Variants in PREX1 observed in about 807,000 individuals in gnomAD.
The protein encoded by PREX1 is phosphatidylinositol 3,4,5-trisphosphate-dependent Rac exchanger 1 protein.
Under a neutral mutation model 198.3 loss-of-function variants are expected in PREX1, and 41 were observed. The observed-to-expected ratio is 0.21, with a 90% CI of 0.16 to 0.27. The LOEUF (loss-of-function observed/expected upper bound fraction) is 0.27. Ranked by LOEUF, PREX1 falls within the 10% of genes least tolerant of loss-of-function variation. The pLI is 1.00. For synonymous variants in PREX1, 843 were observed against 887.2 expected (o/e 0.95, Z 0.89); for missense variants, 1,620 against 2,200.7 (o/e 0.74, Z 5.28).
intron 25 of PREX1, 143 bp downstream of exon 25, chr20:48,649,157 G>A (rs1294543948): frequency 4.8e-6 from 6 of 1,247,340 alleles, no homozygotes; most frequent in East Asian, 5.1e-5. Context: ...GTGGATAGAC[G>A]AAAAAGATAC....
At chr20:48,842,169 G>T in the PREX1 span, among the ~76,000 whole-genome samples, 24 of 151,410 alleles carry the variant, frequency 1.6e-4, no homozygotes, top group East Asian at 4.6e-3. Flanking sequence ...CAGCATGAAA[G>T]AAATAAAAAA....
chr20:48,650,316 G>A (rs759015696), intron 23 of PREX1, 110 bp from the exon 24 acceptor site: 41 of 1,059,184 alleles, frequency 3.9e-5, no homozygotes, highest in Non-Finnish European at 5.1e-5. Context: ...CCCACAGTTG[G>A]ACAAAATGCC....
chr20:48,868,349 C>T, the PREX1 span, among the ~76,000 whole-genome samples: 2 of 152,036 alleles, frequency 1.3e-5, no homozygotes, highest in Admixed American at 6.6e-5. Flanking sequence ...CAGAGTTTCG[C>T]TCTTGTTACC....
Position 48,799,593 on chromosome 20 carries a change from C to T in PREX1, c.219+28049G>A, listed in dbSNP as rs576754574. ...TGGGGCCCCAGTCTTATCCTACATG[C>T]ATTTTGTTAATAATACAGCCAAAGA... On this transcript the variant is annotated intron_variant, in intron 1 of 39. Transcript: ENST00000371941. 6.6e-5 allele frequency among the ~76,000 whole-genome samples: 10 copies of T among 152,336 alleles called. No individual in the cohort carries two copies. In the South Asian group the frequency reaches 2.1e-3, roughly 32 times the overall value.
chr20:48,884,851 C>T, the PREX1 span, among the ~76,000 whole-genome samples: 1 of 152,144 alleles, frequency 6.6e-6, no homozygotes, highest in East Asian at 1.9e-4. Flanking sequence ...GTGGCTCATG[C>T]CTGTAATCCT....
chr20:48,791,595 T>TG (rs2090339177), intron 1 of PREX1, among the ~76,000 whole-genome samples: 1 of 152,170 alleles, frequency 6.6e-6, no homozygotes, highest in South Asian at 2.1e-4. Flanking sequence ...GTCCCAGTGA[T>TG]GGGTCAGGTT....
At position 48,679,772 on chromosome 20, in the gene PREX1, C is replaced by T; in HGVS notation, c.1436-18G>A. 1 of 1,588,776 alleles carries T rather than the reference C, an allele frequency of 6.3e-7. No homozygotes were observed. Among genetic ancestry groups the T allele is most frequent in the Non-Finnish European group, 8.6e-7 (1 of 1,157,044 alleles). On this transcript the variant is annotated intron_variant, in intron 11 of 39. Coordinates refer to ENST00000371941, the MANE Select transcript of PREX1 (RefSeq NM_020820.4). Reference sequence around the variant, plus strand: ...GTCGGAAACTGGAGAGACAGGAGGACCTGTGACGCTGGGCACGCCCCCTCA... The same window carrying T: ...GTCGGAAACTGGAGAGACAGGAGGATCTGTGACGCTGGGCACGCCCCCTCA...
At chr20:48,699,917 C>T (rs1273370678) in intron 7 of PREX1, among the ~76,000 whole-genome samples, 1 of 152,208 alleles carries the variant, frequency 6.6e-6, no homozygotes, top group African/African-American at 2.4e-5. Flanking sequence ...CATTCACTCA[C>T]ACACACGTCA....
the PREX1 span, among the ~76,000 whole-genome samples, chr20:48,864,593 G>A: frequency 1.2e-4 from 19 of 152,152 alleles, no homozygotes; most frequent in Non-Finnish European, 2.6e-4. Context: ...ATCGCTCATC[G>A]AAGTCAGGGG....
chr20:48,658,784 C>T (rs1014129277), intron 16 of PREX1, among the ~76,000 whole-genome samples: 4 of 152,006 alleles, frequency 2.6e-5, no homozygotes, highest in Admixed American at 6.5e-5. Flanking sequence ...GGATAGGGCA[C>T]GGCAAGGGGG....
chr20:48,652,150 G>A (rs980617516), intron 21 of PREX1, among the ~76,000 whole-genome samples: 5 of 152,184 alleles, frequency 3.3e-5, no homozygotes, highest in Non-Finnish European at 7.3e-5. Context: ...TGGGCATCGC[G>A]GCCGTGCGCA....
the PREX1 span, among the ~76,000 whole-genome samples, chr20:48,878,487 G>C: frequency 6.6e-6 from 1 of 151,924 alleles, no homozygotes; most frequent in Non-Finnish European, 1.5e-5. Context: ...TTACAGGCAC[G>C]TGCCACCACA....
intron 30 of PREX1, 38 bp downstream of exon 30, chr20:48,639,728 C>T (rs758076280): frequency 3.1e-6 from 5 of 1,608,294 alleles, no homozygotes; most frequent in Admixed American, 3.4e-5. Flanking sequence ...AAGCCATGGC[C>T]CCCTCCCCAC....
chr20:48,629,083 T>C (rs1011261503), intron 37 of PREX1, among the ~76,000 whole-genome samples: 2 of 152,102 alleles, frequency 1.3e-5, no homozygotes, highest in Non-Finnish European at 2.9e-5. Flanking sequence ...GGATGAGCAC[T>C]GGGGACAAAG....
At chr20:48,685,710 A>G (rs921979658) in intron 10 of PREX1, among the ~76,000 whole-genome samples, 3 of 152,168 alleles carry the variant, frequency 2.0e-5, no homozygotes, top group African/African-American at 7.2e-5. Flanking sequence ...GAGCATTTGC[A>G]AGACCCCCAT....
intron 1 of PREX1, among the ~76,000 whole-genome samples, chr20:48,817,142 A>G (rs1375154365): frequency 6.6e-6 from 1 of 152,176 alleles, no homozygotes; most frequent in African/African-American, 2.4e-5. Context: ...CAGCAGGGCA[A>G]TGGGAGGTGC....
At chr20:48,761,055 G>A (rs1205416025) in intron 1 of PREX1, among the ~76,000 whole-genome samples, 3 of 152,158 alleles carry the variant, frequency 2.0e-5, no homozygotes, top group African/African-American at 7.2e-5. Context: ...GAAGGATAAG[G>A]TGGGAATGCC....
At chr20:48,648,077 A>G (rs2122885637) in intron 25 of PREX1, among the ~76,000 whole-genome samples, 1 of 149,578 alleles carries the variant, frequency 6.7e-6, no homozygotes, top group African/African-American at 2.5e-5. Flanking sequence ...TAATTTTAGG[A>G]TTTTTTTTTT....
rs575880415 is a variant in PREX1 at position 48,636,159 on chromosome 20, C to T, written c.4167+304G>A. Among the ~76,000 whole-genome samples, 80 of 152,322 alleles carry T rather than the reference C, an allele frequency of 5.3e-4. 1 individual carries two copies. The highest frequency in any genetic ancestry group is 1.9e-3 in the African/African-American group (79 of 41,568). ...ACATCTCCAGACATTACCAAGTGTCCCCTAGTGGGGAAACTGCCCTGGGCT... is the reference window on the plus strand; with the variant it reads ...ACATCTCCAGACATTACCAAGTGTCTCCTAGTGGGGAAACTGCCCTGGGCT... On this transcript the variant is annotated intron_variant, in intron 32 of 39. Transcript: ENST00000371941.
Sources: allele counts gnomAD v4.1 joint callset (sites outside exome capture counted in the v4.1 genomes callset), GRCh38; gene constraint gnomAD v4.1.1; transcripts MANE v1.5; gene names NCBI Gene and HGNC (gene_info 2026-07-23, HGNC 2026-07-21).